R3HDM1: variants seen among roughly 807,000 people sequenced by gnomAD.
The protein encoded by R3HDM1 is R3H domain containing 1.
A neutral mutation model predicts 141.1 loss-of-function variants in R3HDM1; 46 were observed. The observed-to-expected ratio is 0.33, with a 90% CI of 0.26 to 0.42. The LOEUF (loss-of-function observed/expected upper bound fraction) is 0.42. Among genes scored for constraint, R3HDM1 ranks in the 10% least tolerant of loss-of-function variants. The pLI is 1.00. For synonymous variants in R3HDM1, 435 were observed against 472.9 expected (o/e 0.92, Z 1.04); for missense variants, 1,184 against 1,368.3 (o/e 0.87, Z 2.12).
At chr2:135,537,510 T>C (rs914372162) in intron 1 of R3HDM1, among the ~76,000 whole-genome samples, 19 of 151,684 alleles carry the variant, frequency 1.3e-4, no homozygotes, top group African/African-American at 4.3e-4. Flanking sequence ...GGTCTTGAAC[T>C]CCCAACCTCA....
chr2:135,650,046 G>T lies in R3HDM1; in HGVS notation c.1725+43G>T, dbSNP rs546077269. The T allele has an allele frequency of 2.9e-5, 34 of 1,176,928 alleles. 1 individual carries two copies. The East Asian group carries it at 2.0e-3, about 71-fold the overall frequency. The allele number at this position is 1,176,928 out of a possible 1,614,324, so 72.9% of individuals were successfully genotyped here. Reference sequence around the variant, plus strand: ...ACCTCCTGCGTTGTTTCTGTGGGTGGATGTGTGATGAATGCTCAAGAGTGT... The same window carrying T: ...ACCTCCTGCGTTGTTTCTGTGGGTGTATGTGTGATGAATGCTCAAGAGTGT... On this transcript the variant is annotated intron_variant, in intron 17 of 26. Coordinates refer to ENST00000683871, the MANE Select transcript of R3HDM1 (RefSeq NM_001378107.1).
chr2:135,643,974 T>G (rs1283393057), intron 15 of R3HDM1, among the ~76,000 whole-genome samples: 1 of 151,446 alleles, frequency 6.6e-6, no homozygotes, highest in African/African-American at 2.4e-5. Flanking sequence ...AGGTGGAGGG[T>G]GGGAGGAAGG....
At position 135,634,378 on chromosome 2, in the gene R3HDM1, C is replaced by T. The variant is rs113543791; in HGVS notation, c.699-1512C>T. Among the ~76,000 whole-genome samples the T allele has an allele frequency of 8.0e-3, 1,212 of 152,272 alleles. 16 individuals carry two copies. The highest frequency in any genetic ancestry group is 0.027 in the African/African-American group (1,125 of 41,556). On this transcript the variant is annotated intron_variant, in intron 9 of 26. Coordinates refer to ENST00000683871, the MANE Select transcript of R3HDM1 (RefSeq NM_001378107.1). ...TTCTAGGGCCAGGCGCAATGTCTCACGCCTGTAATCCCAGCACTTTGGGAG... is the reference window on the plus strand; with the variant it reads ...TTCTAGGGCCAGGCGCAATGTCTCATGCCTGTAATCCCAGCACTTTGGGAG...
chr2:135,620,303 G>T (rs2061414723), intron 5 of R3HDM1: 2 of 916,354 alleles, frequency 2.2e-6, no homozygotes, highest in Non-Finnish European at 2.6e-6. Flanking sequence ...ATAGTTCTGG[G>T]ATTCATTTCT....
chr2:135,603,150 C>T (rs762099284), intron 2 of R3HDM1, among the ~76,000 whole-genome samples: 1 of 151,972 alleles, frequency 6.6e-6, no homozygotes, highest in Non-Finnish European at 1.5e-5. Flanking sequence ...CTACCATGCC[C>T]AGCTAATTTT....
At chr2:135,658,463 G>A (rs368747115) in intron 18 of R3HDM1, among the ~76,000 whole-genome samples, 12 of 152,226 alleles carry the variant, frequency 7.9e-5, no homozygotes, top group Non-Finnish European at 1.2e-4. Flanking sequence ...AACTGTGCCC[G>A]GCCAAAAGAT....
intron 1 of R3HDM1, among the ~76,000 whole-genome samples, chr2:135,589,427 T>C (rs1043467094): frequency 1.3e-5 from 2 of 152,200 alleles, no homozygotes; most frequent in African/African-American, 4.8e-5. Context: ...CCTCTGGTTG[T>C]AGGGGACAAA....
intron 1 of R3HDM1, chr2:135,533,899 A>G (rs1300738424): frequency 8.4e-6 from 6 of 710,090 alleles, no homozygotes; most frequent in African/African-American, 1.9e-5. Flanking sequence ...AGAAAATTAG[A>G]GGTAAAGTAT....
Position 135,645,946 on chromosome 2 carries a change from T to C in R3HDM1, c.1623+419T>C, listed in dbSNP as rs1237361450. 2.6e-5 allele frequency among the ~76,000 whole-genome samples: 4 copies of C among 152,344 alleles called. No individual in the cohort carries two copies. The East Asian group carries it at 7.7e-4, about 29-fold the overall frequency. ...TCTGCAAGGTACTCTTCATCCATTC[T>C]ACCTACCCTATGAAAGACAAAGCAG... On this transcript the variant is annotated intron_variant, in intron 16 of 26. Coordinates refer to ENST00000683871, the MANE Select transcript of R3HDM1 (RefSeq NM_001378107.1).
At chr2:135,593,232 T>C (rs1157605910) in intron 1 of R3HDM1, among the ~76,000 whole-genome samples, 1 of 152,112 alleles carries the variant, frequency 6.6e-6, no homozygotes, top group Non-Finnish European at 1.5e-5. Flanking sequence ...GTGTGTAGTC[T>C]TTAAAAGAGA....
At chr2:135,684,910 G>A (rs958057627) in intron 21 of R3HDM1, among the ~76,000 whole-genome samples, 1 of 151,824 alleles carries the variant, frequency 6.6e-6, no homozygotes, top group African/African-American at 2.4e-5. Context: ...CCACAGGCAC[G>A]CACCACCACA....
At chr2:135,559,471 A>T (rs1701407655) in intron 1 of R3HDM1, among the ~76,000 whole-genome samples, 1 of 152,048 alleles carries the variant, frequency 6.6e-6, no homozygotes, top group African/African-American at 2.4e-5. Flanking sequence ...TTGTCCCCTG[A>T]GATATTTTGG....
intron 19 of R3HDM1, chr2:135,669,300 C>T (rs771265276): frequency 1.4e-4 from 138 of 985,026 alleles, no homozygotes; most frequent in Admixed American, 1.2e-4. Context: ...TTTTAAAGCC[C>T]CCAAGTTCAT....
chr2:135,696,743 A>G (rs1444847435), intron 21 of R3HDM1, among the ~76,000 whole-genome samples: 6 of 152,192 alleles, frequency 3.9e-5, no homozygotes, highest in African/African-American at 7.2e-5. Context: ...CTCCCACCTC[A>G]GTCTCCCAAA....
intron 1 of R3HDM1, among the ~76,000 whole-genome samples, chr2:135,548,594 C>T (rs1379938456): frequency 6.6e-6 from 1 of 151,330 alleles, no homozygotes; most frequent in Non-Finnish European, 1.5e-5. Flanking sequence ...CCACCCCATA[C>T]CCCAAGAGGC....
rs1362164619 is a variant in R3HDM1 at position 135,649,940 on chromosome 2, G to A, written c.1662G>A (p.Gln554=). ...HPLQSSSQPV[Q]YSTAPYPSPF... ...TGCAGTCCTCTTCACAGCCTGTTCA[G>A]TACTCTACAGCCCCTTACCCATCCC... Residue 554 remains glutamine, a synonymous_variant, in exon 17 of 27, where the codon CAG becomes CAA. Coordinates refer to ENST00000683871, the MANE Select transcript of R3HDM1 (RefSeq NM_001378107.1). 3 of 1,296,468 alleles carry A rather than the reference G, an allele frequency of 2.3e-6. No homozygotes were observed. The South Asian group carries it at 3.8e-5, about 16-fold the overall frequency. The allele number at this position is 1,296,468 out of a possible 1,614,324, so 80.3% of individuals were successfully genotyped here.
chr2:135,643,623 T>C (rs2105254824), intron 15 of R3HDM1, among the ~76,000 whole-genome samples: 1 of 152,282 alleles, frequency 6.6e-6, no homozygotes. Context: ...TTAATCTACT[T>C]ATTGAAAAAA....
intron 23 of R3HDM1, among the ~76,000 whole-genome samples, chr2:135,712,499 T>C (rs2075765839): frequency 6.7e-6 from 1 of 149,544 alleles, no homozygotes; most frequent in Admixed American, 6.7e-5. Context: ...CTCAAATTCC[T>C]GAGCTCAAGC....
At chr2:135,683,988 A>T (rs1306164986) in intron 21 of R3HDM1, among the ~76,000 whole-genome samples, 1 of 152,018 alleles carries the variant, frequency 6.6e-6, no homozygotes, top group Non-Finnish European at 1.5e-5. Context: ...ATACATACAT[A>T]CATACATACA....
Sources: allele counts gnomAD v4.1 joint callset (sites outside exome capture counted in the v4.1 genomes callset), GRCh38; gene constraint gnomAD v4.1.1; transcripts MANE v1.5; gene names NCBI Gene and HGNC (gene_info 2026-07-23, HGNC 2026-07-21).